Variants in TENT5D observed in about 807,000 individuals in gnomAD.
TENT5D encodes the protein terminal nucleotidyltransferase 5D, also known as cancer/testis antigen 112.
For missense variants in TENT5D, 191 were observed against 287.0 expected (o/e 0.67, Z 2.42); for synonymous variants, 103 against 100.6 (o/e 1.02, Z -0.15).
intron 3 of TENT5D, among the ~76,000 whole-genome samples, chrX:80,354,080 T>C (rs1434706091): frequency 8.9e-6 from 1 of 111,822 alleles, no homozygotes; most frequent in Admixed American, 9.5e-5. Context: ...TGGCCACATG[T>C]ATGTCTTCTT....
At chrX:80,379,928 T>G (rs770150175) in intron 3 of TENT5D, among the ~76,000 whole-genome samples, 8 of 108,345 alleles carry the variant, frequency 7.4e-5, no homozygotes, top group African/African-American at 2.3e-4. Context: ...TCATTGATTT[T>G]TTTGAAGGGT....
intron 3 of TENT5D, among the ~76,000 whole-genome samples, chrX:80,356,752 GTTTTTTAT>G (rs950366202): frequency 9.0e-6 from 1 of 111,363 alleles, no homozygotes; most frequent in Non-Finnish European, 1.9e-5. Flanking sequence ...GTAGAAAGAA[GTTTTTTAT>G]TTTTTTATTT....
chrX:80,385,214 C>G, intron 3 of TENT5D, among the ~76,000 whole-genome samples: 1 of 111,380 alleles, frequency 9.0e-6, no homozygotes, highest in Middle Eastern at 4.6e-3. Context: ...GTACTGGTAT[C>G]AAAACAGAGA....
At chrX:80,394,810 A>G (rs1271457980) in intron 3 of TENT5D, among the ~76,000 whole-genome samples, 1 of 111,934 alleles carries the variant, frequency 8.9e-6, no homozygotes, top group Non-Finnish European at 1.9e-5. Flanking sequence ...TTGTGTAATG[A>G]CCACATCAGG....
chrX:80,396,028 C>A (rs1931233824), intron 3 of TENT5D, among the ~76,000 whole-genome samples: 1 of 109,371 alleles, frequency 9.1e-6, no homozygotes, highest in Non-Finnish European at 1.9e-5. Context: ...ATGACAGTTT[C>A]TTTACTTTTT....
chrX:80,365,745 G>T (rs1266395694), intron 3 of TENT5D, among the ~76,000 whole-genome samples: 1 of 109,528 alleles, frequency 9.1e-6, no homozygotes, highest in African/African-American at 3.3e-5. Context: ...GGAGGCTGAG[G>T]CAGGAGAATT....
intron 3 of TENT5D, among the ~76,000 whole-genome samples, chrX:80,370,385 A>T (rs1930601264): frequency 8.9e-6 from 1 of 112,233 alleles, no homozygotes; most frequent in Non-Finnish European, 1.9e-5. Context: ...TTTTCTGATT[A>T]TAAAATACAT....
At chrX:80,430,476 T>G (rs1182433426) in intron 1 of TENT5D, among the ~76,000 whole-genome samples, 1 of 111,268 alleles carries the variant, frequency 9.0e-6, no homozygotes, top group Non-Finnish European at 1.9e-5. Context: ...TTATTTTTTG[T>G]AGGCTTGGCT....
chrX:80,388,282 C>T (rs771995333), intron 3 of TENT5D, among the ~76,000 whole-genome samples: 3 of 111,080 alleles, frequency 2.7e-5, no homozygotes, highest in Non-Finnish European at 5.7e-5. Flanking sequence ...TTGCTTTTCC[C>T]TCTCCTTTTC....
At chrX:80,352,487 A>G (rs1251780578) in intron 3 of TENT5D, among the ~76,000 whole-genome samples, 2 of 110,434 alleles carry the variant, frequency 1.8e-5, no homozygotes, top group Non-Finnish European at 3.8e-5. Context: ...CTCAAGCCTC[A>G]GTAATGGTGG....
intron 2 of TENT5D, among the ~76,000 whole-genome samples, chrX:80,339,357 T>C (rs761948313): frequency 9.9e-5 from 11 of 111,310 alleles, no homozygotes; most frequent in African/African-American, 3.6e-4. Flanking sequence ...TCCTAAAAAT[T>C]TGAGAGAGGT....
intron 3 of TENT5D, among the ~76,000 whole-genome samples, chrX:80,352,697 C>T (rs1017594563): frequency 7.6e-5 from 7 of 91,663 alleles, no homozygotes; most frequent in Admixed American, 1.4e-4. Context: ...TTCCAGGTGC[C>T]GCTGGAGTAC....
intron 3 of TENT5D, among the ~76,000 whole-genome samples, chrX:80,396,481 G>A (rs935692359): frequency 3.6e-5 from 4 of 109,653 alleles, no homozygotes; most frequent in African/African-American, 1.0e-4. Context: ...GACTCTTAAC[G>A]AGCATGCTGC....
intron 3 of TENT5D, among the ~76,000 whole-genome samples, chrX:80,402,187 A>G (rs1321352247): frequency 1.8e-5 from 2 of 111,536 alleles, no homozygotes; most frequent in East Asian, 2.8e-4. Flanking sequence ...TTTTTGGCAT[A>G]TAATTGTTGA....
chrX:80,365,288 T>G lies in TENT5D; in HGVS notation c.-142+22724T>G, dbSNP rs759489665. 1.9e-4 allele frequency among the ~76,000 whole-genome samples: 21 copies of G among 111,599 alleles called. No individual in the cohort carries two copies. The South Asian group carries it at 7.8e-3, about 41-fold the overall frequency. ...TTGTAAGGAATTATATTTCCAAGTT[T>G]TCAAAGTACTTTTTTTATTTTTAAT... On this transcript the variant is annotated intron_variant, in intron 3 of 4. Coordinates refer to the TENT5D transcript ENST00000538312.
At chrX:80,381,140 G>A (rs1385836489) in intron 3 of TENT5D, among the ~76,000 whole-genome samples, 1 of 111,883 alleles carries the variant, frequency 8.9e-6, no homozygotes, top group African/African-American at 3.2e-5. Flanking sequence ...AGGAGCTCTT[G>A]TAAGGCAGGC....
At chrX:80,416,138 C>T (rs1325322913), upstream of TENT5D, among the ~76,000 whole-genome samples, 1 of 108,276 alleles carries the variant, frequency 9.2e-6, no homozygotes, top group Non-Finnish European at 1.9e-5. Flanking sequence ...GTGGTAATGT[C>T]CCTGTAGTCA....
chrX:80,352,802 C>G (rs188657960), intron 3 of TENT5D, among the ~76,000 whole-genome samples: 1 of 107,919 alleles, frequency 9.3e-6, no homozygotes, highest in African/African-American at 3.4e-5. Flanking sequence ...GTCCTTGAAA[C>G]CCAGGGCTCT....
intron 3 of TENT5D, among the ~76,000 whole-genome samples, chrX:80,352,720 C>CAAAA (rs1189877322): frequency 2.9e-3 from 57 of 19,903 alleles, no homozygotes; most frequent in Non-Finnish European, 3.6e-3. Flanking sequence ...AGCAAACAAA[C>CAAAA]AAAAAAAAAA....
Sources: gnomAD v4.1 joint callset for allele counts (sites outside exome capture counted in the v4.1 genomes callset) on GRCh38, gnomAD v4.1.1 for gene constraint, MANE v1.5 for transcripts, NCBI Gene and HGNC (gene_info 2026-07-23, HGNC 2026-07-21) for gene names.